UBE2D3: variants seen among roughly 807,000 people sequenced by gnomAD.
The protein encoded by UBE2D3 is ubiquitin conjugating enzyme E2 D3.
UBE2D3 carries 2 observed loss-of-function variants against 22.8 expected under a neutral mutation model. The ratio of observed to expected loss-of-function variants is 0.09; its 90% CI spans 0.04 to 0.28. UBE2D3 has a LOEUF of 0.28. Ranked by LOEUF, UBE2D3 falls within the 10% of genes least tolerant of loss-of-function variation. The probability of loss-of-function intolerance (pLI) is 1.00; values close to 1 mark genes in which losing one functional copy is unlikely to be tolerated. For synonymous variants in UBE2D3, 56 were observed against 60.4 expected (o/e 0.93, Z 0.34); for missense variants, 27 against 182.5 (o/e 0.15, Z 4.91).
chr4:102,826,123 T>C (rs1730432969), intron 2 of UBE2D3, among the ~76,000 whole-genome samples: 2 of 151,972 alleles, frequency 1.3e-5, no homozygotes, highest in Admixed American at 6.5e-5. Context: ...GCACCAAGAA[T>C]AGGAAGCGCC....
chr4:102,848,632 C>T (rs1159848366), intron 1 of UBE2D3, among the ~76,000 whole-genome samples: 3 of 151,570 alleles, frequency 2.0e-5, no homozygotes, highest in Non-Finnish European at 2.9e-5. Flanking sequence ...GTGACAAGAG[C>T]GAAACTCCAT....
intron 1 of UBE2D3, chr4:102,843,188 T>C (rs1335515569): frequency 1.3e-5 from 2 of 152,168 alleles, no homozygotes; most frequent in Admixed American, 1.3e-4. Flanking sequence ...TAGAAGTTAA[T>C]GTAGGAGAGA....
intron 2 of UBE2D3, among the ~76,000 whole-genome samples, chr4:102,820,003 A>G (rs754728167): frequency 6.6e-6 from 1 of 152,222 alleles, no homozygotes; most frequent in African/African-American, 2.4e-5. Flanking sequence ...AGCAACACAA[A>G]ACACTGCTTT....
rs146484705 is a variant in UBE2D3 at position 102,825,910 on chromosome 4, C to G, written c.24+575G>C. The G allele has an allele frequency of 5.6e-3, 2,241 of 398,154 alleles. 17 individuals are homozygous for G. The highest frequency in any genetic ancestry group is 8.3e-3 in the Non-Finnish European group (1,652 of 199,576). The allele number at this position is 398,154 out of a possible 1,614,324, so 24.7% of individuals were successfully genotyped here. A position where few individuals can be genotyped will look rare whatever the true frequency, so the allele number is the denominator to read the frequency against. On this transcript the variant is annotated intron_variant, in intron 2 of 7. Coordinates refer to ENST00000453744, the MANE Select transcript of UBE2D3 (RefSeq NM_181891.3). ...TGTGTCATTCCATCTCCTCCCAAAC[C>G]CACTTATTCGGTGTAACCTGCCCAG...
intron 1 of UBE2D3, among the ~76,000 whole-genome samples, chr4:102,835,752 C>T (rs1290767417): frequency 2.7e-5 from 4 of 147,600 alleles, no homozygotes; most frequent in African/African-American, 1.0e-4. Context: ...TTATACATAC[C>T]TAAATAAACA....
At chr4:102,828,970 C>G (rs939780782), upstream of UBE2D3, among the ~76,000 whole-genome samples, 18 of 152,078 alleles carry the variant, frequency 1.2e-4, no homozygotes, top group African/African-American at 4.3e-4. Context: ...GAAAAATAAA[C>G]TTGTTTTAAA....
intron 4 of UBE2D3, among the ~76,000 whole-genome samples, chr4:102,805,190 C>T (rs1439176112): frequency 6.6e-6 from 1 of 152,120 alleles, no homozygotes; most frequent in African/African-American, 2.4e-5. Context: ...CAATTTAACA[C>T]TAAAGTTCTG....
intron 1 of UBE2D3, among the ~76,000 whole-genome samples, chr4:102,851,716 G>C: frequency 6.6e-6 from 1 of 150,450 alleles, no homozygotes; most frequent in East Asian, 2.0e-4. Flanking sequence ...TCCCAGGCTG[G>C]AGTGCAATGG....
intron 4 of UBE2D3, among the ~76,000 whole-genome samples, chr4:102,806,557 A>G (rs1727078523): frequency 6.6e-6 from 1 of 152,156 alleles, no homozygotes; most frequent in Non-Finnish European, 1.5e-5. Flanking sequence ...GTACCTATGG[A>G]CCAATTATTT....
intron 1 of UBE2D3, among the ~76,000 whole-genome samples, chr4:102,847,798 C>T (rs1018860623): frequency 3.9e-5 from 6 of 151,938 alleles, no homozygotes; most frequent in Admixed American, 1.3e-4. Flanking sequence ...TGTGTGCCAC[C>T]ATGCGCAGCT....
chr4:102,852,815 T>A (rs369428633), intron 1 of UBE2D3, among the ~76,000 whole-genome samples: 3 of 152,278 alleles, frequency 2.0e-5, no homozygotes, highest in African/African-American at 7.2e-5. Flanking sequence ...TCAGACTGTT[T>A]TACGAATAAG....
intron 2 of UBE2D3, among the ~76,000 whole-genome samples, chr4:102,815,869 T>C (rs1036108268): frequency 6.6e-6 from 1 of 152,228 alleles, no homozygotes; most frequent in Non-Finnish European, 1.5e-5. Context: ...TTTTTAAAGA[T>C]AAAAATGCTG....
intron 1 of UBE2D3, among the ~76,000 whole-genome samples, chr4:102,861,952 C>T (rs967123248): frequency 6.6e-6 from 1 of 151,880 alleles, no homozygotes; most frequent in African/African-American, 2.4e-5. Context: ...GGGTCTCACT[C>T]TGTTGCTCAG....
At chr4:102,834,523 G>T (rs1376405068) in intron 1 of UBE2D3, among the ~76,000 whole-genome samples, 1 of 152,036 alleles carries the variant, frequency 6.6e-6, no homozygotes, top group East Asian at 1.9e-4. Flanking sequence ...TCAAGGCAGG[G>T]TGGATTGCTT....
intron 2 of UBE2D3, 78 bp downstream of exon 2, chr4:102,826,407 T>C: frequency 1.3e-6 from 2 of 1,570,628 alleles, no homozygotes; most frequent in African/African-American, 1.4e-5. Flanking sequence ...TTATGCTTCC[T>C]TCCCACCCCC....
At chr4:102,827,593 T>A, upstream of UBE2D3, 6 of 986,738 alleles carry the variant, frequency 6.1e-6, no homozygotes, top group Middle Eastern at 5.2e-4. Context: ...TCCTCCTGCC[T>A]CTTCACCGCC....
intron 5 of UBE2D3, chr4:102,801,901 T>C: frequency 5.8e-6 from 1 of 172,218 alleles, no homozygotes; most frequent in Non-Finnish European, 1.2e-5. Context: ...TTGTAGACCA[T>C]CTCATTTAAA....
At chr4:102,860,982 A>G (rs1560895530) in intron 1 of UBE2D3, among the ~76,000 whole-genome samples, 1 of 151,898 alleles carries the variant, frequency 6.6e-6, no homozygotes, top group Non-Finnish European at 1.5e-5. Flanking sequence ...TGGTTGCTAT[A>G]AGCCTCTGCT....
chr4:102,805,224 C>G (rs993412416), intron 4 of UBE2D3, among the ~76,000 whole-genome samples: 7 of 152,048 alleles, frequency 4.6e-5, no homozygotes, highest in African/African-American at 1.4e-4. Flanking sequence ...GGAAGAACTA[C>G]GAGGTTCAGA....
Sources: gnomAD v4.1 joint callset for allele counts (sites outside exome capture counted in the v4.1 genomes callset) on GRCh38, gnomAD v4.1.1 for gene constraint, MANE v1.5 for transcripts, NCBI Gene and HGNC (gene_info 2026-07-23, HGNC 2026-07-21) for gene names.